The following RORA variants were observed in gnomAD, a reference collection of about 807,000 sequenced individuals.
The protein encoded by RORA is nuclear receptor ROR-alpha.
In RORA, 7 loss-of-function variants were observed where a neutral mutation model predicts 69.5. The ratio of observed to expected loss-of-function variants is 0.10; its 90% CI spans 0.06 to 0.19. RORA has a LOEUF of 0.19. Ranked by LOEUF, RORA falls within the 10% of genes least tolerant of loss-of-function variation. The pLI, the probability that RORA is intolerant of heterozygous loss-of-function variation, is 1.00. For missense variants in RORA, 457 were observed against 663.0 expected (o/e 0.69, Z 3.41); for synonymous variants, 261 against 240.8 (o/e 1.08, Z -0.78).
At chr15:60,666,050 A>C (rs1466449401) in intron 2 of RORA, among the ~76,000 whole-genome samples, 1 of 152,200 alleles carries the variant, frequency 6.6e-6, no homozygotes, top group African/African-American at 2.4e-5. Context: ...AAGAGTGGTC[A>C]TAAAATTGTG....
At chr15:60,993,286 G>A (rs546443650) in intron 1 of RORA, among the ~76,000 whole-genome samples, 18 of 152,166 alleles carry the variant, frequency 1.2e-4, no homozygotes, top group African/African-American at 4.1e-4. Flanking sequence ...CATTATTGTG[G>A]GGAAGGTATT....
chr15:60,646,551 G>T (rs1199768152), intron 2 of RORA, among the ~76,000 whole-genome samples: 2 of 152,210 alleles, frequency 1.3e-5, no homozygotes, highest in Admixed American at 6.5e-5. Context: ...ACTTAAAAGT[G>T]AATGCACTGC....
rs148122181 is a variant in RORA, at chr15:61,056,893, T to C, written c.166+172160A>G. Among the ~76,000 whole-genome samples, 342 of 152,370 alleles carry C rather than the reference T, an allele frequency of 2.2e-3. 1 individual carries two copies. The highest frequency in any genetic ancestry group is 3.7e-3 in the Non-Finnish European group (249 of 68,042). The stretch of plus-strand genomic sequence containing the variant: ...AGGGCTTCTCACAGTATTTGGCCTA[T>C]TCAACCTTTGCATCTGCCTTCCCTC... On this transcript the variant is annotated intron_variant, in intron 1 of 10. Coordinates refer to ENST00000335670, the MANE Select transcript of RORA (RefSeq NM_134261.3).
intron 1 of RORA, among the ~76,000 whole-genome samples, chr15:61,209,482 C>G (rs182446894): frequency 3.3e-5 from 5 of 152,282 alleles, no homozygotes; most frequent in African/African-American, 1.2e-4. Flanking sequence ...AACCAACCAC[C>G]CTGTAAATTA....
In RORA at chr15:60,708,202, A is replaced by G. The variant is rs188228585; in HGVS notation, c.167-29516T>C. Among the ~76,000 whole-genome samples the G allele has an allele frequency of 1.6e-3, 242 of 152,182 alleles. 1 individual carries two copies. Among genetic ancestry groups the G allele is most frequent in the African/African-American group, 4.5e-3 (188 of 41,510 alleles). On this transcript the variant is annotated intron_variant, in intron 1 of 10. Coordinates refer to ENST00000335670, the MANE Select transcript of RORA (RefSeq NM_134261.3). ...CCAACTAGGACTCTCCTAGGTACCTATCTTCTTTTTTAAAACAAAATGTAG... is the reference window on the plus strand; with the variant it reads ...CCAACTAGGACTCTCCTAGGTACCTGTCTTCTTTTTTAAAACAAAATGTAG...
chr15:60,837,919 A>G (rs956490441), intron 1 of RORA, among the ~76,000 whole-genome samples: 2 of 152,210 alleles, frequency 1.3e-5, no homozygotes, highest in Non-Finnish European at 2.9e-5. Context: ...TGCCTCCTTC[A>G]TGTCTGTGTC....
At chr15:61,215,581 G>A (rs2080033489) in intron 1 of RORA, among the ~76,000 whole-genome samples, 2 of 152,182 alleles carry the variant, frequency 1.3e-5, no homozygotes, top group South Asian at 4.1e-4. Flanking sequence ...GGCAACATAA[G>A]CCAAGCATTT....
rs778288703 is a variant in RORA at position 61,053,744 on chromosome 15, G to A, written c.166+175309C>T. Among the ~76,000 whole-genome samples the A allele has an allele frequency of 8.5e-4, 128 of 150,432 alleles. 1 individual carries two copies. Among genetic ancestry groups the A allele is most frequent in the Admixed American group, 4.7e-4 (7 of 15,002 alleles). ...TACAGGGAGACGACACAGCTGATGG[G>A]TATTTTTGTAGCCAGATATCAAGTA... is the stretch of plus-strand genomic sequence containing the variant. On this transcript the variant is annotated intron_variant, in intron 1 of 10. Coordinates refer to ENST00000335670, the MANE Select transcript of RORA (RefSeq NM_134261.3).
chr15:60,995,937 A>G (rs1380344420), intron 1 of RORA, among the ~76,000 whole-genome samples: 1 of 152,230 alleles, frequency 6.6e-6, no homozygotes, highest in Non-Finnish European at 1.5e-5. Flanking sequence ...CTTGCTTATC[A>G]AATTGTCCCC....
Position 61,224,376 on chromosome 15 carries a change from C to T in RORA, c.166+4677G>A, listed in dbSNP as rs17303593. On this transcript the variant is annotated intron_variant, in intron 1 of 10. Coordinates refer to ENST00000335670, the MANE Select transcript of RORA (RefSeq NM_134261.3). ...CACACATGGCAATCACATTACAGCT[C>T]TTTCCCCAGATACCTGGGAAATGTG... Among the ~76,000 whole-genome samples the T allele has an allele frequency of 8.8e-3, 1,343 of 152,328 alleles. 26 individuals are homozygous for T. The highest frequency in any genetic ancestry group is 0.048 in the East Asian group (248 of 5,182).
At chr15:60,948,345 A>G (rs1892966094) in intron 1 of RORA, among the ~76,000 whole-genome samples, 1 of 152,214 alleles carries the variant, frequency 6.6e-6, no homozygotes. Context: ...TCATCCATTT[A>G]GAAGAAATAA....
rs1159320295 is a variant in RORA, at chr15:60,515,915, TTATATA to T, written c.283-1164_283-1159del. 9.2e-5 allele frequency among the ~76,000 whole-genome samples: 7 copies of T among 75,836 alleles called. 1 individual carries two copies. The Admixed American group carries it at 1.3e-3, about 15-fold the overall frequency. The allele number at this position is 75,836 out of a possible 152,430, so 49.8% of individuals were successfully genotyped here. ...ATATATATATTTATATATATTGTAT[TTATATA>T]TATATTTATATATATATTTATATAT... is the stretch of plus-strand genomic sequence containing the variant. On this transcript the variant is annotated intron_variant, in intron 3 of 10. Transcript: ENST00000335670.
rs1352319251 is a variant in RORA at position 61,037,593 on chromosome 15, A to G, written c.166+191460T>C. On this transcript the variant is annotated intron_variant, in intron 1 of 10. Transcript: ENST00000335670. ...AATCCCATTCAACACCAGTCTAGGA[A>G]GAGATGACCTTGGAATGCAGATCCA... Among the ~76,000 whole-genome samples the G allele has an allele frequency of 3.9e-5, 6 of 152,234 alleles. No homozygotes were observed. In the East Asian group the frequency reaches 1.2e-3, roughly 29 times the overall value.
At position 60,714,314 on chromosome 15, in the gene RORA, C is replaced by T. The variant is rs372577317; in HGVS notation, c.167-35628G>A. Among the ~76,000 whole-genome samples, 64 of 152,204 alleles carry T rather than the reference C, an allele frequency of 4.2e-4. 1 individual carries two copies. The East Asian group carries it at 7.5e-3, about 18-fold the overall frequency. The stretch of plus-strand genomic sequence containing the variant: ...CCCCAGGTGATCCACTGGTCTCGGC[C>T]TCCCAAAGTGCTGGGATTACAGGCG... On this transcript the variant is annotated intron_variant, in intron 1 of 10. Coordinates refer to ENST00000335670, the MANE Select transcript of RORA (RefSeq NM_134261.3).
intron 1 of RORA, among the ~76,000 whole-genome samples, chr15:61,030,321 T>G (rs1896091970): frequency 6.6e-6 from 1 of 152,174 alleles, no homozygotes; most frequent in Admixed American, 6.6e-5. Context: ...TATTGATGGT[T>G]GTATTATGTA....
Position 61,131,899 on chromosome 15 carries a change from T to C in RORA, c.166+97154A>G, listed in dbSNP as rs1393490649. Among the ~76,000 whole-genome samples, 1 of 152,206 alleles carries C rather than the reference T, an allele frequency of 6.6e-6. No individual in the cohort carries two copies. Among genetic ancestry groups the C allele is most frequent in the Non-Finnish European group, 1.5e-5 (1 of 68,026 alleles). On this transcript the variant is annotated intron_variant, in intron 1 of 10. Coordinates refer to ENST00000335670, the MANE Select transcript of RORA (RefSeq NM_134261.3). This position sits in a 1 kb window ranked among gnomAD's most constrained non-coding sequence, Gnocchi z 4.2. ...ACTTGGCAAATAGGAAAAACTTCAC[T>C]TGGAAAAAACAGCACTGAATTGGAA...
chr15:61,070,331 G>A (rs2078323426), intron 1 of RORA, among the ~76,000 whole-genome samples: 1 of 152,210 alleles, frequency 6.6e-6, no homozygotes, highest in Admixed American at 6.5e-5. Flanking sequence ...CTCATCCGAA[G>A]ATGACTCACT....
chr15:60,651,288 T>C (rs898914286), intron 2 of RORA, among the ~76,000 whole-genome samples: 2 of 152,068 alleles, frequency 1.3e-5, no homozygotes, highest in Non-Finnish European at 2.9e-5. Flanking sequence ...AAGCAAGAGA[T>C]GAAAAAGCCG....
intron 1 of RORA, among the ~76,000 whole-genome samples, chr15:60,853,683 C>T (rs1345315962): frequency 6.6e-6 from 1 of 152,184 alleles, no homozygotes; most frequent in Non-Finnish European, 1.5e-5. Context: ...ATATTCCAAT[C>T]ATTGTGGCCC....
Sources: gnomAD v4.1 joint callset for allele counts (sites outside exome capture counted in the v4.1 genomes callset) on GRCh38, gnomAD v4.1.1 for gene constraint, Gnocchi (gnomAD v3.1) non-coding constraint, MANE v1.5 for transcripts, NCBI Gene and HGNC (gene_info 2026-07-23, HGNC 2026-07-21) for gene names.